The following SSH2 variants were observed in gnomAD, a reference collection of about 807,000 sequenced individuals.
The protein encoded by SSH2 is protein phosphatase Slingshot homolog 2.
Under a neutral mutation model 135.2 loss-of-function variants are expected in SSH2, and 37 were observed. That is an observed-to-expected ratio of 0.27 (90% CI 0.21 to 0.36). SSH2 has a LOEUF of 0.36. Ranked by LOEUF, SSH2 falls within the 10% of genes least tolerant of loss-of-function variation. SSH2 has a pLI of 1.00. For synonymous variants in SSH2, 628 were observed against 646.2 expected, an observed-to-expected ratio of 0.97 and a Z score of 0.43; for missense variants, 1,408 against 1,765.3, an observed-to-expected ratio of 0.80 and a Z score of 3.63.
chr17:29,744,920 A>G lies in SSH2; in HGVS notation c.189-41858T>C, dbSNP rs886472966. Among the ~76,000 whole-genome samples, 26 of 151,636 alleles carry G rather than the reference A, an allele frequency of 1.7e-4. 1 individual carries two copies. Among genetic ancestry groups the G allele is most frequent in the African/African-American group, 5.6e-4 (23 of 41,158 alleles). On this transcript the variant is annotated intron_variant, in intron 3 of 15. Transcript: ENST00000540801. ...GTGTGTGTTTAAATAAACAAACCAT[A>G]AAGCCACTAGCAGATAGTTTAATGA...
chr17:29,838,648 G>T (rs1290022445), intron 2 of SSH2, among the ~76,000 whole-genome samples: 1 of 152,164 alleles, frequency 6.6e-6, no homozygotes, highest in Non-Finnish European at 1.5e-5. Flanking sequence ...TACCCTCTCT[G>T]TTGGAGCTGA....
chr17:29,725,347 C>CCAAAAAA (rs1331950507), intron 3 of SSH2, among the ~76,000 whole-genome samples: 1 of 52,788 alleles, frequency 1.9e-5, no homozygotes, highest in Non-Finnish European at 3.1e-5. Context: ...AATCAGTCTC[C>CCAAAAAA]AAAAAAAAAA....
chr17:29,694,009 G>A (rs1327510508), intron 5 of SSH2, among the ~76,000 whole-genome samples: 1 of 152,172 alleles, frequency 6.6e-6, no homozygotes, highest in East Asian at 1.9e-4. Context: ...CAGCAAGCTT[G>A]TGCAACCCGT....
chr17:29,788,069 T>C (rs562046569), intron 3 of SSH2, among the ~76,000 whole-genome samples: 1 of 152,342 alleles, frequency 6.6e-6, no homozygotes, highest in East Asian at 1.9e-4. Context: ...TTTGTTTATC[T>C]TCTTTGGAGA....
chr17:29,788,221 C>G (rs1216159981), intron 3 of SSH2, among the ~76,000 whole-genome samples: 1 of 152,148 alleles, frequency 6.6e-6, no homozygotes, highest in African/African-American at 2.4e-5. Context: ...GAGGGTGTTT[C>G]TGGATAATAT....
intron 14 of SSH2, chr17:29,645,052 C>T (rs1479439684): frequency 6.6e-6 from 1 of 152,208 alleles, no homozygotes; most frequent in Non-Finnish European, 1.5e-5. Flanking sequence ...GTAGTGATGT[C>T]ATGGAAGAGG....
intron 1 of SSH2, among the ~76,000 whole-genome samples, chr17:29,914,301 C>T (rs2066840807): frequency 6.6e-6 from 1 of 151,990 alleles, no homozygotes; most frequent in African/African-American, 2.4e-5. Context: ...TGGCTCACAC[C>T]TGTAATCCCA....
chr17:29,897,231 C>A (rs909021218), intron 1 of SSH2, among the ~76,000 whole-genome samples: 1 of 152,148 alleles, frequency 6.6e-6, no homozygotes, highest in African/African-American at 2.4e-5. Flanking sequence ...AACTAACGAG[C>A]AAAATAACCA....
chr17:29,631,049 T>G lies in SSH2; in HGVS notation c.4145A>C (p.Gln1382Pro). Residue 1382 changes from glutamine to proline, a missense_variant, in exon 16 of 16, where the codon CAG becomes CCG. By Grantham distance (76) the Gln-to-Pro change is moderately conservative (BLOSUM62 -1). Around this residue, in one of 3 missense-constraint regions of SSH2, gnomAD observed 1,080 missense variants for 1,144.5 expected, o/e 0.94. Coordinates refer to ENST00000540801, the MANE Select transcript of SSH2 (RefSeq NM_001282129.2). ...QYAKEFGSSQ[Q>P]YLLPRAGLEL... ...AAGTCCTGCCCTGGGGAGCAAATACTGCTGACTAGAACCAAATTCTTTGGC... is the reference window on the plus strand; with the variant it reads ...AAGTCCTGCCCTGGGGAGCAAATACGGCTGACTAGAACCAAATTCTTTGGC... The G allele has an allele frequency of 5.0e-6, 8 of 1,614,218 alleles. No individual in the cohort carries two copies. Among genetic ancestry groups the G allele is most frequent in the Non-Finnish European group, 6.8e-6 (8 of 1,180,040 alleles).
intron 11 of SSH2, among the ~76,000 whole-genome samples, chr17:29,663,169 T>A (rs778274642): frequency 6.6e-6 from 1 of 152,266 alleles, no homozygotes; most frequent in Admixed American, 6.5e-5. Flanking sequence ...TCCCACTCCA[T>A]ACCAGCTGGA....
chr17:29,730,320 T>C (rs559352490), intron 3 of SSH2, among the ~76,000 whole-genome samples: 8 of 148,016 alleles, frequency 5.4e-5, no homozygotes, highest in African/African-American at 2.0e-4. Flanking sequence ...TAAATATATA[T>C]ATATATAATT....
chr17:29,702,508 A>G (rs921229341), intron 4 of SSH2, among the ~76,000 whole-genome samples: 7 of 150,912 alleles, frequency 4.6e-5, no homozygotes, highest in African/African-American at 1.7e-4. Context: ...TACAAAAATG[A>G]GCTGGGCGTG....
chr17:29,898,176 G>A (rs1259272631), intron 1 of SSH2, among the ~76,000 whole-genome samples: 1 of 151,972 alleles, frequency 6.6e-6, no homozygotes. Flanking sequence ...AGAGAAAGCA[G>A]GAAAGATCTA....
chr17:29,749,132 T>A (rs1351424834), intron 3 of SSH2, among the ~76,000 whole-genome samples: 1 of 152,200 alleles, frequency 6.6e-6, no homozygotes, highest in African/African-American at 2.4e-5. Flanking sequence ...TGATAAATGA[T>A]CTGTGCCAGA....
chr17:29,775,288 CTTT>C (rs556652594), intron 3 of SSH2, among the ~76,000 whole-genome samples: 28 of 134,122 alleles, frequency 2.1e-4, no homozygotes, highest in Non-Finnish European at 1.8e-4. Flanking sequence ...TCCTTCTTTC[CTTT>C]TTTTTTTTTT....
chr17:29,634,543 GATTATT>G (rs138491296), intron 15 of SSH2, among the ~76,000 whole-genome samples: 61,691 of 151,142 alleles, frequency 0.41, 12,871 homozygotes, highest in Non-Finnish European at 0.44. Context: ...ATTTCCTTTT[GATTATT>G]ATTATTATTA....
At chr17:29,832,500 A>T (rs1039671005) in intron 2 of SSH2, among the ~76,000 whole-genome samples, 1 of 152,222 alleles carries the variant, frequency 6.6e-6, no homozygotes, top group Admixed American at 6.5e-5. Context: ...GTTTCAAGAA[A>T]TTTTAAAATT....
Position 29,632,164 on chromosome 17 carries a change from G to A in SSH2, c.3030C>T (p.Val1010=), listed in dbSNP as rs540909260. The A allele has an allele frequency of 1.9e-6, 3 of 1,614,008 alleles. No individual in the cohort carries two copies. Among genetic ancestry groups the A allele is most frequent in the African/African-American group, 1.3e-5 (1 of 75,008 alleles). The change falls in exon 16 of 16, where the codon GTC becomes GTT. Residue 1010 remains valine (V), a synonymous_variant. Transcript: ENST00000540801. ...GSDTGTQQEG[V]LKDLRTVIPY... The stretch of plus-strand genomic sequence containing the variant: ...GAATCACAGTCCTCAGATCCTTCAG[G>A]ACTCCTTCCTGCTGTGTTCCAGTAT...
chr17:29,671,045 A>G (rs1373248410), intron 9 of SSH2, among the ~76,000 whole-genome samples: 2 of 152,224 alleles, frequency 1.3e-5, no homozygotes, highest in African/African-American at 2.4e-5. Context: ...AAGGAAATAA[A>G]CATCAGCTTT....
Sources: allele counts gnomAD v4.1 joint callset (sites outside exome capture counted in the v4.1 genomes callset), GRCh38; gene constraint gnomAD v4.1.1; regional missense constraint gnomAD v4.1.1; transcripts MANE v1.5; gene names NCBI Gene and HGNC (gene_info 2026-07-23, HGNC 2026-07-21).